CTNNA2: variants seen among roughly 807,000 people sequenced by gnomAD.
The protein encoded by CTNNA2 is catenin alpha 2, also known as catenin alpha-2.
CTNNA2 carries 42 observed loss-of-function variants against 101.0 expected under a neutral mutation model. That is an observed-to-expected ratio of 0.42 (90% CI 0.32 to 0.54). The LOEUF is 0.54. CTNNA2 is among the 20% of genes least tolerant of loss of function. The probability of loss-of-function intolerance (pLI) is 0.14; values close to 1 mark genes in which losing one functional copy is unlikely to be tolerated. For missense variants in CTNNA2, 871 were observed against 1,223.1 expected, an observed-to-expected ratio of 0.71 and a Z score of 4.29; for synonymous variants, 450 against 456.4, an observed-to-expected ratio of 0.99 and a Z score of 0.18.
rs59836500 is a variant in CTNNA2, at chr2:79,210,088, T to TTGTGTGTGTGTGTGTGTGTGTG, written c.-406+12018_-406+12039dup. On this transcript the variant is annotated intron_variant, in intron 2 of 21. Coordinates refer to the CTNNA2 transcript ENST00000466387. ...TTTGAGATTACAGAGTCAAGCTATA[T>TTGTGTGTGTGTGTGTGTGTGTG]TGTGTGTGTGTGTGTGTGTGTGTGT... Among the ~76,000 whole-genome samples the TTGTGTGTGTGTGTGTGTGTGTG allele has an allele frequency of 9.3e-3, 1,353 of 144,830 alleles. 12 individuals carry two copies. Among genetic ancestry groups the TTGTGTGTGTGTGTGTGTGTGTG allele is most frequent in the Admixed American group, 0.024 (337 of 14,322 alleles).
chr2:80,546,362 C>T (rs537346976), intron 11 of CTNNA2, among the ~76,000 whole-genome samples: 1 of 152,258 alleles, frequency 6.6e-6, no homozygotes, highest in East Asian at 1.9e-4. Context: ...CTGAATCACT[C>T]ATGTAAAAAA....
intron 1 of CTNNA2, among the ~76,000 whole-genome samples, chr2:79,585,526 A>C (rs768263255): frequency 6.6e-6 from 1 of 152,212 alleles, no homozygotes; most frequent in African/African-American, 2.4e-5. Flanking sequence ...ATATGTAAAA[A>C]TGGAAACATA....
At chr2:79,379,317 T>C (rs1678014372) in intron 4 of CTNNA2, among the ~76,000 whole-genome samples, 1 of 152,208 alleles carries the variant, frequency 6.6e-6, no homozygotes, top group Admixed American at 6.5e-5. Context: ...TGTATAATAT[T>C]CCATTATAAA....
chr2:80,641,132 A>T (rs2149855546), intron 18 of CTNNA2, among the ~76,000 whole-genome samples: 1 of 152,322 alleles, frequency 6.6e-6, no homozygotes, highest in Admixed American at 6.5e-5. Context: ...AGCAAGGCCC[A>T]AATGGAACTG....
At chr2:80,024,628 G>A (rs907582946) in intron 7 of CTNNA2, among the ~76,000 whole-genome samples, 5 of 152,206 alleles carry the variant, frequency 3.3e-5, no homozygotes, top group Admixed American at 6.5e-5. Context: ...TGGTCACTCC[G>A]CTCTGGTGGG....
intron 7 of CTNNA2, among the ~76,000 whole-genome samples, chr2:80,049,428 C>A (rs926153260): frequency 6.6e-6 from 1 of 152,196 alleles, no homozygotes; most frequent in Non-Finnish European, 1.5e-5. Context: ...CAGTGCTCAA[C>A]AAGTAAAAAT....
At chr2:79,475,400 T>G (rs1451623317) in intron 4 of CTNNA2, among the ~76,000 whole-genome samples, 4 of 152,166 alleles carry the variant, frequency 2.6e-5, no homozygotes, top group Non-Finnish European at 4.4e-5. Context: ...GTGACAGAAA[T>G]TATTCTTATT....
At chr2:80,386,736 A>G (rs1375210016) in intron 7 of CTNNA2, among the ~76,000 whole-genome samples, 1 of 152,228 alleles carries the variant, frequency 6.6e-6, no homozygotes, top group African/African-American at 2.4e-5. Context: ...TAGCTCCTAA[A>G]ACATCTAATA....
intron 4 of CTNNA2, among the ~76,000 whole-genome samples, chr2:79,435,415 A>T (rs968499032): frequency 4.6e-5 from 7 of 152,132 alleles, no homozygotes; most frequent in African/African-American, 1.7e-4. Context: ...CCTCTGTTAG[A>T]TGCAGGGAAA....
chr2:79,822,229 C>T (rs910313903), intron 3 of CTNNA2, among the ~76,000 whole-genome samples: 4 of 151,140 alleles, frequency 2.6e-5, no homozygotes, highest in Non-Finnish European at 4.4e-5. Flanking sequence ...AAAAGAAAAT[C>T]GATGTTTAAG....
At chr2:79,643,062 A>G (rs545061395) in intron 1 of CTNNA2, among the ~76,000 whole-genome samples, 1 of 152,120 alleles carries the variant, frequency 6.6e-6, no homozygotes, top group Non-Finnish European at 1.5e-5. Context: ...ATGGTGGCAC[A>G]CGCCTGTAGT....
intron 4 of CTNNA2, among the ~76,000 whole-genome samples, chr2:79,462,735 C>A (rs537859919): frequency 2.0e-5 from 3 of 152,190 alleles, no homozygotes; most frequent in Non-Finnish European, 4.4e-5. Flanking sequence ...GCAGCAAGTT[C>A]TATTTAGTAG....
intron 14 of CTNNA2, among the ~76,000 whole-genome samples, chr2:80,588,919 C>T (rs760947143): frequency 3.3e-5 from 5 of 152,116 alleles, no homozygotes; most frequent in Non-Finnish European, 7.4e-5. Context: ...TTTCCCTTCT[C>T]TGAACAGATT....
At chr2:79,353,062 T>C (rs1371018503) in intron 3 of CTNNA2, among the ~76,000 whole-genome samples, 1 of 152,176 alleles carries the variant, frequency 6.6e-6, no homozygotes, top group African/African-American at 2.4e-5. Context: ...GCTACCCCCA[T>C]GATCCAATCA....
At chr2:80,173,982 C>A (rs1428488560) in intron 7 of CTNNA2, among the ~76,000 whole-genome samples, 5 of 152,244 alleles carry the variant, frequency 3.3e-5, no homozygotes, top group African/African-American at 1.2e-4. Flanking sequence ...CCTGTTGCAA[C>A]AAAGAAATGC....
intron 1 of CTNNA2, among the ~76,000 whole-genome samples, chr2:79,635,348 C>G (rs946023822): frequency 7.3e-5 from 11 of 151,676 alleles, no homozygotes; most frequent in South Asian, 6.3e-4. Context: ...AGGAGAATGG[C>G]GTGAACCCGG....
At chr2:79,829,360 TACACACACACACACACACACACACAC>T (rs55934940) in intron 3 of CTNNA2, among the ~76,000 whole-genome samples, 21 of 113,202 alleles carry the variant, frequency 1.9e-4, no homozygotes, top group Middle Eastern at 4.9e-3. Context: ...CAACTAAAAC[TACACACACACACACACACACACACAC>T]ACACACACAC....
At chr2:80,596,232 GAAGTTGCTTATCGACTT>G (rs1345673888) in intron 15 of CTNNA2, among the ~76,000 whole-genome samples, 1 of 129,612 alleles carries the variant, frequency 7.7e-6, no homozygotes, top group East Asian at 2.6e-4. Context: ...AGACTTTACT[GAAGTTGCTTATCGACTT>G]AAGGAGTTTT....
chr2:80,307,680 T>C (rs1347508118), intron 7 of CTNNA2, among the ~76,000 whole-genome samples: 1 of 152,236 alleles, frequency 6.6e-6, no homozygotes, highest in Non-Finnish European at 1.5e-5. Context: ...GGATAAGAGA[T>C]GCTTTATATG....
Sources: allele counts gnomAD v4.1 joint callset (sites outside exome capture counted in the v4.1 genomes callset), GRCh38; gene constraint gnomAD v4.1.1; transcripts MANE v1.5; gene names NCBI Gene and HGNC (gene_info 2026-07-23, HGNC 2026-07-21).